Variants in PCDHGA1 observed in about 807,000 individuals in gnomAD.
PCDHGA1 encodes protocadherin gamma-A1.
In PCDHGA1, 32 loss-of-function variants were observed where a neutral mutation model predicts 58.0. That is an observed-to-expected ratio of 0.55 (90% CI 0.42 to 0.74). The LOEUF is 0.74. PCDHGA1 is among the 30% of genes least tolerant of loss of function. The probability of loss-of-function intolerance (pLI) is 0.00; values close to 1 mark genes in which losing one functional copy is unlikely to be tolerated. For synonymous variants in PCDHGA1, 498 were observed against 501.1 expected (o/e 0.99, Z 0.08); for missense variants, 1,205 against 1,182.3 (o/e 1.02, Z -0.28).
rs1289513674 is a variant in PCDHGA1 at position 141,432,063 on chromosome 5, A to T, written c.2422-62744A>T. On this transcript the variant is annotated intron_variant, in intron 1 of 3. Coordinates refer to ENST00000517417, the MANE Select transcript of PCDHGA1 (RefSeq NM_018912.3). The surrounding 1 kb of genome is among the most constrained non-coding windows in gnomAD (Gnocchi z 6.0). ...CGGGGAACCCCGCCCCTATCCACGG[A>T]AACTCATATCTCGCTGAACGTGGCA... The T allele has an allele frequency of 8.7e-6, 14 of 1,614,134 alleles. No individual in the cohort carries two copies. The highest frequency in any genetic ancestry group is 1.2e-5 in the Non-Finnish European group (14 of 1,180,028).
At position 141,334,900 on chromosome 5, in the gene PCDHGA1, G is replaced by GAAAA. The variant is rs1285205468; in HGVS notation, c.2421+1799_2421+1802dup. Among the ~76,000 whole-genome samples the GAAAA allele has an allele frequency of 1.3e-5, 2 of 151,868 alleles. No homozygotes were observed. Among genetic ancestry groups the GAAAA allele is most frequent in the Admixed American group, 6.5e-5 (1 of 15,272 alleles). On this transcript the variant is annotated intron_variant, in intron 1 of 3. Transcript: ENST00000517417. This position sits in a 1 kb window ranked among gnomAD's most constrained non-coding sequence, Gnocchi z 4.6. The stretch of plus-strand genomic sequence containing the variant: ...GGAGAGAGGGATATAGTGTAGAAGA[G>GAAAA]AAAAAAACAAACTAAAACTAAAAAC...
chr5:141,352,300 C>A (rs1333992954), intron 1 of PCDHGA1: 2 of 1,613,972 alleles, frequency 1.2e-6, no homozygotes, highest in Non-Finnish European at 1.7e-6. Context: ...CCTCTGACCC[C>A]CAGACGGAAC....
At chr5:141,389,547 G>A in intron 1 of PCDHGA1, 1 of 1,613,252 alleles carries the variant, frequency 6.2e-7, no homozygotes, top group East Asian at 2.2e-5. Context: ...CGACCGCAAC[G>A]ACAATGCGCC....
At chr5:141,392,893 G>C in intron 1 of PCDHGA1, 1 of 1,613,780 alleles carries the variant, frequency 6.2e-7, no homozygotes, top group South Asian at 1.1e-5. Flanking sequence ...TGGGAAATCG[G>C]GAGGGGACAG....
intron 1 of PCDHGA1, chr5:141,372,474 G>C: frequency 6.2e-7 from 1 of 1,614,052 alleles, no homozygotes; most frequent in Non-Finnish European, 8.5e-7. Context: ...TCACCTAGTA[G>C]TGGCGTTGGC....
chr5:141,436,877 A>G (rs2097851127), intron 1 of PCDHGA1, among the ~76,000 whole-genome samples: 1 of 152,252 alleles, frequency 6.6e-6, no homozygotes, highest in Admixed American at 6.5e-5. Flanking sequence ...AGGCCATAAA[A>G]GATGGGGGAA....
At position 141,485,060 on chromosome 5, in the gene PCDHGA1, G is replaced by A. The variant is rs191055161; in HGVS notation, c.2422-9747G>A. 155 of 862,304 alleles carry A rather than the reference G, an allele frequency of 1.8e-4. No individual in the cohort carries two copies. The African/African-American group carries it at 2.3e-3, about 13-fold the overall frequency. 53.4% of individuals were successfully genotyped at this position (862,304 alleles called of 1,614,324 possible). ...ACCCTTGCGGCGCCGGCCGAACCGCGCCAGAGCTGGCGCGGGGAAAGGGAG... is the reference window on the plus strand; with the variant it reads ...ACCCTTGCGGCGCCGGCCGAACCGCACCAGAGCTGGCGCGGGGAAAGGGAG... On this transcript the variant is annotated intron_variant, in intron 1 of 3. Transcript: ENST00000517417. This position sits in a 1 kb window ranked among gnomAD's most constrained non-coding sequence, Gnocchi z 5.7.
intron 1 of PCDHGA1, chr5:141,355,875 T>A: frequency 6.2e-7 from 1 of 1,613,100 alleles, no homozygotes; most frequent in Non-Finnish European, 8.5e-7. Flanking sequence ...GCTCTGGCAC[T>A]GCCAGGATTC....
intron 1 of PCDHGA1, chr5:141,388,506 T>C: frequency 6.2e-7 from 1 of 1,613,870 alleles, no homozygotes; most frequent in Non-Finnish European, 8.5e-7. Flanking sequence ...GCAGAAATCC[T>C]ACCACTTGAC....
intron 1 of PCDHGA1, chr5:141,383,343 T>TG (rs760440635): frequency 1.2e-6 from 2 of 1,613,888 alleles, no homozygotes; most frequent in Non-Finnish European, 1.7e-6. Flanking sequence ...ATACAGCTCC[T>TG]GGGGTTCGGT....
intron 1 of PCDHGA1, chr5:141,343,982 C>T: frequency 1.4e-6 from 2 of 1,421,238 alleles, no homozygotes; most frequent in African/African-American, 1.4e-5. Flanking sequence ...GATTGGAGTC[C>T]GTCGTAGGAA....
intron 1 of PCDHGA1, chr5:141,394,928 C>T (rs2093129787): frequency 7.4e-6 from 12 of 1,613,838 alleles, no homozygotes; most frequent in Non-Finnish European, 1.0e-5. Context: ...GTGTCTTCCT[C>T]GCCTTTGTCG....
chr5:141,489,425 G>T lies in PCDHGA1; in HGVS notation c.2422-5382G>T, dbSNP rs779739693. 6.2e-7 allele frequency: 1 copy of T among 1,614,118 alleles called. No homozygotes were observed. The highest frequency in any genetic ancestry group is 8.5e-7 in the Non-Finnish European group (1 of 1,180,030). The stretch of plus-strand genomic sequence containing the variant: ...TTAAAGATGACAGATCTGTTGAGCC[G>T]GCGGCTGCAATTGGGCTCTGAGGAG... On this transcript the variant is annotated intron_variant, in intron 1 of 3. Transcript: ENST00000517417. This position sits in a 1 kb window ranked among gnomAD's most constrained non-coding sequence, Gnocchi z 4.5.
chr5:141,341,350 G>T (rs1757048986), intron 1 of PCDHGA1: 2 of 1,614,230 alleles, frequency 1.2e-6, no homozygotes, highest in Non-Finnish European at 8.5e-7. Context: ...TTTTATCAGC[G>T]CCTCAATCTC....
At chr5:141,388,513 TGA>T in intron 1 of PCDHGA1, 2 of 1,613,840 alleles carry the variant, frequency 1.2e-6, no homozygotes, top group African/African-American at 2.7e-5. Flanking sequence ...TCCTACCACT[TGA>T]CTTTGACTGC....
intron 1 of PCDHGA1, chr5:141,387,572 T>G: frequency 2.1e-6 from 1 of 480,808 alleles, no homozygotes; most frequent in South Asian, 3.5e-5. Context: ...CAATTATAAT[T>G]ATTGCACTGG....
intron 1 of PCDHGA1, among the ~76,000 whole-genome samples, chr5:141,480,339 T>A (rs764049837): frequency 1.3e-4 from 20 of 152,010 alleles, no homozygotes; most frequent in Non-Finnish European, 2.4e-4. Context: ...TGCTTGAGCC[T>A]GGGAGGTTGA....
chr5:141,509,645 G>C (rs138497208), intron 3 of PCDHGA1, among the ~76,000 whole-genome samples: 8 of 152,338 alleles, frequency 5.3e-5, no homozygotes, highest in African/African-American at 1.9e-4. Context: ...GCCAGGGCCA[G>C]AGTGTGGACT....
Position 141,351,825 on chromosome 5 carries a change from G to A in PCDHGA1, c.2421+18720G>A, listed in dbSNP as rs370366881. The A allele has an allele frequency of 6.2e-6, 10 of 1,613,082 alleles. No homozygotes were observed. The African/African-American group carries it at 8.0e-5, about 13-fold the overall frequency. ...CGCGCCTTCGACCACGAGCAGCTGCGCGCCTTCGAGCTCACACTGCAGGCC... is the reference window on the plus strand; with the variant it reads ...CGCGCCTTCGACCACGAGCAGCTGCACGCCTTCGAGCTCACACTGCAGGCC... On this transcript the variant is annotated intron_variant, in intron 1 of 3. Coordinates refer to ENST00000517417, the MANE Select transcript of PCDHGA1 (RefSeq NM_018912.3).
Sources: allele counts gnomAD v4.1 joint callset (sites outside exome capture counted in the v4.1 genomes callset), GRCh38; gene constraint gnomAD v4.1.1; non-coding constraint Gnocchi (gnomAD v3.1); transcripts MANE v1.5; gene names NCBI Gene and HGNC (gene_info 2026-07-23, HGNC 2026-07-21).